The following MANBAL variants were observed in gnomAD, a reference collection of about 807,000 sequenced individuals.
MANBAL encodes the protein mannosidase beta like, also known as protein MANBAL.
In MANBAL, 1 loss-of-function variant was observed where a neutral mutation model predicts 6.4. That is an observed-to-expected ratio of 0.16 (90% CI 0.06 to 0.74). The LOEUF is 0.74. Ranked by LOEUF, MANBAL falls within the 30% of genes least tolerant of loss-of-function variation. The pLI is 0.78. For synonymous variants in MANBAL, 47 were observed against 45.8 expected, an observed-to-expected ratio of 1.03 and a Z score of -0.10; for missense variants, 100 against 107.8, an observed-to-expected ratio of 0.93 and a Z score of 0.32.
intron 2 of MANBAL, among the ~76,000 whole-genome samples, chr20:37,312,363 G>C (rs1200086792): frequency 4.6e-5 from 7 of 152,160 alleles, no homozygotes; most frequent in Non-Finnish European, 8.8e-5. Context: ...TAAGTAGAGA[G>C]TAGATTTCAT....
At chr20:37,299,988 C>T (rs2069096050) in intron 1 of MANBAL, among the ~76,000 whole-genome samples, 1 of 152,200 alleles carries the variant, frequency 6.6e-6, no homozygotes. Context: ...CTGGCCACCA[C>T]TGCCCCTGTC....
At chr20:37,304,912 C>T (rs1455263078) in intron 2 of MANBAL, among the ~76,000 whole-genome samples, 1 of 151,992 alleles carries the variant, frequency 6.6e-6, no homozygotes, top group Admixed American at 6.6e-5. Flanking sequence ...TTTGAAGCCA[C>T]GGCAGGGGAC....
intron 1 of MANBAL, among the ~76,000 whole-genome samples, chr20:37,293,340 A>G (rs2068915984): frequency 6.6e-6 from 1 of 152,216 alleles, no homozygotes; most frequent in Non-Finnish European, 1.5e-5. Context: ...GTGACAGATC[A>G]TCAGGCATTA....
chr20:37,314,445 C>T (rs2069459081), intron 2 of MANBAL, among the ~76,000 whole-genome samples: 1 of 152,130 alleles, frequency 6.6e-6, no homozygotes, highest in African/African-American at 2.4e-5. Context: ...GTCTCACTGT[C>T]CCTGTGGTCT....
At chr20:37,291,103 T>C (rs556058404) in intron 1 of MANBAL, among the ~76,000 whole-genome samples, 13 of 152,262 alleles carry the variant, frequency 8.5e-5, no homozygotes, top group South Asian at 2.1e-4. Flanking sequence ...TAGTATTTGC[T>C]AAGTCTTGAG....
Position 37,306,426 on chromosome 20 carries a change from A to T in MANBAL, c.150+5013A>T, listed in dbSNP as rs182812240. Among the ~76,000 whole-genome samples, 3 of 152,258 alleles carry T rather than the reference A, an allele frequency of 2.0e-5. No homozygotes were observed. The East Asian group carries it at 5.8e-4, about 29-fold the overall frequency. On this transcript the variant is annotated intron_variant, in intron 2 of 2. Coordinates refer to ENST00000373606, the MANE Select transcript of MANBAL (RefSeq NM_001003897.2). ...GGAGGAAAAGAGGGAACACATACAA[A>T]TGCTTCCCACCCCACCCCCTTCCTT...
chr20:37,301,989 G>A (rs960026909), intron 2 of MANBAL, among the ~76,000 whole-genome samples: 2 of 152,218 alleles, frequency 1.3e-5, no homozygotes, highest in Non-Finnish European at 2.9e-5. Flanking sequence ...GGGGCATGAT[G>A]AGTGGTGCAG....
chr20:37,297,822 T>A (rs1242632871), intron 1 of MANBAL, among the ~76,000 whole-genome samples: 1 of 152,032 alleles, frequency 6.6e-6, no homozygotes, highest in Non-Finnish European at 1.5e-5. Flanking sequence ...TTTTTGTATT[T>A]TTATTAGAGA....
intron 1 of MANBAL, among the ~76,000 whole-genome samples, chr20:37,298,193 A>G (rs986191417): frequency 2.6e-5 from 4 of 152,194 alleles, no homozygotes; most frequent in Non-Finnish European, 4.4e-5. Flanking sequence ...CTCTAAATAA[A>G]TAAATAAATA....
chr20:37,293,765 T>A (rs540222173), intron 1 of MANBAL, among the ~76,000 whole-genome samples: 1 of 152,232 alleles, frequency 6.6e-6, no homozygotes, highest in African/African-American at 2.4e-5. Context: ...AAACAACTTA[T>A]CAGCTAGAGT....
intron 1 of MANBAL, among the ~76,000 whole-genome samples, chr20:37,290,673 G>T (rs868228428): frequency 6.6e-6 from 1 of 151,962 alleles, no homozygotes; most frequent in Non-Finnish European, 1.5e-5. Context: ...TGGCCAGGCT[G>T]GTCTCAAACT....
In MANBAL at chr20:37,316,912, C is replaced by T. The variant is rs1320663833; in HGVS notation, c.*497C>T. 1 of 153,106 alleles carries T rather than the reference C, an allele frequency of 6.5e-6. No individual in the cohort carries two copies. The highest frequency in any genetic ancestry group is 2.4e-5 in the African/African-American group (1 of 41,466). 9.5% of individuals were successfully genotyped at this position (153,106 alleles called of 1,614,324 possible). A position where few individuals can be genotyped will look rare whatever the true frequency, so the allele number is the denominator to read the frequency against. On this transcript the variant is annotated 3_prime_UTR_variant, in exon 3 of 3. Coordinates refer to ENST00000373606, the MANE Select transcript of MANBAL (RefSeq NM_001003897.2). Reference sequence around the variant, plus strand: ...TTTGTTTAGGCCAAGATGCCATGGACATGCAGCGTTAGTGATCCCACTAGC... The same window carrying T: ...TTTGTTTAGGCCAAGATGCCATGGATATGCAGCGTTAGTGATCCCACTAGC...
At chr20:37,290,522 G>A (rs1299077666) in intron 1 of MANBAL, among the ~76,000 whole-genome samples, 1 of 151,978 alleles carries the variant, frequency 6.6e-6, no homozygotes, top group Non-Finnish European at 1.5e-5. Flanking sequence ...GCAGTGGCGG[G>A]ATCTTGGCTC....
At chr20:37,300,962 G>T (rs2069119958) in intron 1 of MANBAL, among the ~76,000 whole-genome samples, 1 of 151,948 alleles carries the variant, frequency 6.6e-6, no homozygotes, top group South Asian at 2.1e-4. Flanking sequence ...GGCCAACGTG[G>T]TGAAACCCTG....
At chr20:37,301,843 G>A (rs1290943263) in intron 2 of MANBAL, among the ~76,000 whole-genome samples, 9 of 152,244 alleles carry the variant, frequency 5.9e-5, no homozygotes, top group African/African-American at 1.9e-4. Context: ...GGAATGAGCA[G>A]GCTTCTGCCA....
chr20:37,291,637 C>A (rs1302486348), intron 1 of MANBAL, among the ~76,000 whole-genome samples: 1 of 152,178 alleles, frequency 6.6e-6, no homozygotes, highest in African/African-American at 2.4e-5. Flanking sequence ...CCACCCAAAT[C>A]TCATCTTGAA....
chr20:37,315,782 A>G (rs2069498462), intron 2 of MANBAL, among the ~76,000 whole-genome samples: 1 of 152,182 alleles, frequency 6.6e-6, no homozygotes. Flanking sequence ...CTGTGGGTTG[A>G]ATGGGAGGAC....
Position 37,313,194 on chromosome 20 carries a change from T to C in MANBAL, c.151-3114T>C, listed in dbSNP as rs2092462. On this transcript the variant is annotated intron_variant, in intron 2 of 2. Transcript: ENST00000373606. ...GAGATCGAGACCATCTTGGCTAACATGGTGAAACCCCGTCTCTACTAAAAA... is the reference window on the plus strand; with the variant it reads ...GAGATCGAGACCATCTTGGCTAACACGGTGAAACCCCGTCTCTACTAAAAA... Among the ~76,000 whole-genome samples, 1,129 of 150,234 alleles carry C rather than the reference T, an allele frequency of 7.5e-3. 16 individuals are homozygous for C. Among genetic ancestry groups the C allele is most frequent in the African/African-American group, 0.025 (1,021 of 40,840 alleles).
intron 1 of MANBAL, among the ~76,000 whole-genome samples, chr20:37,298,475 G>A (rs2069052763): frequency 6.6e-6 from 1 of 151,892 alleles, no homozygotes. Flanking sequence ...CTCATATAAG[G>A]GGACTCATAC....
Sources: allele counts gnomAD v4.1 joint callset (sites outside exome capture counted in the v4.1 genomes callset), GRCh38; gene constraint gnomAD v4.1.1; transcripts MANE v1.5; gene names NCBI Gene and HGNC (gene_info 2026-07-23, HGNC 2026-07-21).